COQ10B: variants seen among roughly 807,000 people sequenced by gnomAD.
COQ10B encodes coenzyme Q-binding protein COQ10 homolog B, mitochondrial.
COQ10B carries 12 observed loss-of-function variants against 27.6 expected under a neutral mutation model. That is an observed-to-expected ratio of 0.43 (90% confidence interval 0.28 to 0.70). The LOEUF is 0.70. Among genes scored for constraint, COQ10B ranks in the 30% least tolerant of loss-of-function variants. COQ10B has a pLI of 0.17. For synonymous variants in COQ10B, 115 were observed against 103.0 expected, an observed-to-expected ratio of 1.12 and a Z score of -0.71; for missense variants, 278 against 288.7, an observed-to-expected ratio of 0.96 and a Z score of 0.27.
Position 197,473,806 on chromosome 2 carries a change from T to C in COQ10B, c.599T>C (p.Phe200Ser). ...SLLHSQLATL[F>S]FDEVVKQMVA... ...CTACATTCCCAGCTTGCCACACTCT[T>C]TTTTGATGAAGTTGTGAAGCAGATG... The change falls in exon 5 of 5, where the codon TTT (phenylalanine) becomes TCT (serine). Residue 200 changes from phenylalanine (F) to serine (S), a missense_variant. Phe to Ser is a radical substitution (Grantham distance 155). Around this residue, in one of 3 missense-constraint regions of COQ10B, gnomAD observed 83 missense variants for 104.5 expected, o/e 0.79. Coordinates refer to ENST00000263960, the MANE Select transcript of COQ10B (RefSeq NM_025147.5). The C allele has an allele frequency of 2.5e-6, 4 of 1,597,264 alleles. No individual in the cohort carries two copies. Among genetic ancestry groups the C allele is most frequent in the African/African-American group, 1.3e-5 (1 of 74,720 alleles).
At chr2:197,465,026 C>T (rs544393027) in intron 3 of COQ10B, among the ~76,000 whole-genome samples, 2 of 150,772 alleles carry the variant, frequency 1.3e-5, no homozygotes, top group East Asian at 4.0e-4. Flanking sequence ...GCGGGGGCTA[C>T]AGGCTCCCAC....
At chr2:197,466,795 C>T (rs776751829) in intron 3 of COQ10B, among the ~76,000 whole-genome samples, 2 of 152,026 alleles carry the variant, frequency 1.3e-5, no homozygotes, top group Non-Finnish European at 2.9e-5. Context: ...GTGTCTGACT[C>T]CAAAACTATT....
chr2:197,472,800 C>CAAAAAAA (rs34942079), intron 4 of COQ10B, among the ~76,000 whole-genome samples: 2 of 96,038 alleles, frequency 2.1e-5, no homozygotes, highest in South Asian at 3.9e-4. Context: ...GGCTCCATCT[C>CAAAAAAA]AAAAAAAAAA....
intron 4 of COQ10B, 91 bp from the exon 5 acceptor site, chr2:197,473,666 A>G: frequency 1.1e-6 from 1 of 942,654 alleles, no homozygotes; most frequent in Non-Finnish European, 1.5e-6. Context: ...AACCTGGGCA[A>G]CAAAGCGAGA....
intron 1 of COQ10B, chr2:197,453,992 T>A (rs1165659607): frequency 6.4e-7 from 1 of 1,550,968 alleles, no homozygotes; most frequent in South Asian, 1.2e-5. Flanking sequence ...GTTGGAAAGT[T>A]TTAACTTTGC....
At chr2:197,463,103 A>G (rs1310193907) in intron 3 of COQ10B, among the ~76,000 whole-genome samples, 1 of 152,186 alleles carries the variant, frequency 6.6e-6, no homozygotes, top group Non-Finnish European at 1.5e-5. Flanking sequence ...CTAAATATAT[A>G]GTTTTTTAAG....
rs1351116884 is a variant in COQ10B at position 197,463,428 on chromosome 2, G to A, written c.447+697G>A. Among the ~76,000 whole-genome samples the A allele has an allele frequency of 2.0e-5, 3 of 151,462 alleles. No homozygotes were observed. The East Asian group carries it at 5.8e-4, about 30-fold the overall frequency. ...AGAGGTTGCAGTGTGCCGAGATAGT[G>A]CCGCTGCACTGCAGCCTGGGCAACA... On this transcript the variant is annotated intron_variant, in intron 3 of 4. Coordinates refer to ENST00000263960, the MANE Select transcript of COQ10B (RefSeq NM_025147.5).
At chr2:197,461,494 A>T (rs951662075) in intron 2 of COQ10B, among the ~76,000 whole-genome samples, 1 of 152,146 alleles carries the variant, frequency 6.6e-6, no homozygotes, top group Non-Finnish European at 1.5e-5. Flanking sequence ...CTTTGGATAG[A>T]CATCATTGTC....
chr2:197,472,894 C>G (rs1034988258), intron 4 of COQ10B, among the ~76,000 whole-genome samples: 8 of 152,098 alleles, frequency 5.3e-5, no homozygotes, highest in African/African-American at 1.9e-4. Flanking sequence ...CCAGCCTCCT[C>G]TTCCTGCTGG....
chr2:197,463,992 TATATACACACAC>T (rs1281893257), intron 3 of COQ10B, among the ~76,000 whole-genome samples: 19 of 65,802 alleles, frequency 2.9e-4, no homozygotes, highest in African/African-American at 1.1e-3. Context: ...TATATATATA[TATATACACACAC>T]ACACACACAC....
intron 3 of COQ10B, among the ~76,000 whole-genome samples, chr2:197,466,831 C>T (rs1463219457): frequency 6.6e-6 from 1 of 151,704 alleles, no homozygotes; most frequent in Non-Finnish European, 1.5e-5. Flanking sequence ...TCCTACTCTC[C>T]TTCCCCCTAT....
At chr2:197,473,725 T>G in intron 4 of COQ10B, 32 bp from the exon 5 acceptor site, 1 of 1,401,604 alleles carries the variant, frequency 7.1e-7, no homozygotes, top group Non-Finnish European at 9.5e-7. Flanking sequence ...AAAATAATTT[T>G]TTCTAAAATA....
intron 4 of COQ10B, among the ~76,000 whole-genome samples, chr2:197,471,981 G>C (rs1055983162): frequency 1.3e-5 from 2 of 150,588 alleles, no homozygotes; most frequent in East Asian, 3.9e-4. Flanking sequence ...ATTTGAATAA[G>C]GTCTATATAA....
Position 197,474,453 on chromosome 2 carries a change from A to C in COQ10B, c.*529A>C, listed in dbSNP as rs950561205. ...GTAATCCCAGCACTTGGGGAAGCTG[A>C]GGTGGGCAGATCAGTTGAGGTCAGG... On this transcript the variant is annotated 3_prime_UTR_variant, in exon 5 of 5. Coordinates refer to ENST00000263960, the MANE Select transcript of COQ10B (RefSeq NM_025147.5). 3.3e-5 allele frequency: 5 copies of C among 152,268 alleles called. No individual in the cohort carries two copies. The highest frequency in any genetic ancestry group is 7.3e-5 in the Non-Finnish European group (5 of 68,110). The allele number at this position is 152,268 out of a possible 1,614,324, so 9.4% of individuals were successfully genotyped here. A position where few individuals can be genotyped will look rare whatever the true frequency, so the allele number is the denominator to read the frequency against.
At chr2:197,472,525 C>T (rs553423148) in intron 4 of COQ10B, among the ~76,000 whole-genome samples, 50 of 152,132 alleles carry the variant, frequency 3.3e-4, no homozygotes, top group Non-Finnish European at 6.6e-4. Flanking sequence ...ACCACGTGGC[C>T]GGGCGCAGTG....
intron 4 of COQ10B, among the ~76,000 whole-genome samples, chr2:197,472,816 A>AG (rs1559295801): frequency 6.6e-6 from 1 of 151,400 alleles, no homozygotes; most frequent in Non-Finnish European, 1.5e-5. Flanking sequence ...AAAAAAAAAA[A>AG]AAAAAGAAAG....
At chr2:197,471,265 C>T (rs1306707663) in intron 4 of COQ10B, among the ~76,000 whole-genome samples, 1 of 151,990 alleles carries the variant, frequency 6.6e-6, no homozygotes, top group Non-Finnish European at 1.5e-5. Context: ...ACCTCAGCCT[C>T]CCGAGTAGCT....
chr2:197,473,997 GT>G lies in COQ10B; in HGVS notation c.*77del, dbSNP rs759195556. 13 of 1,242,300 alleles carry G rather than the reference GT, an allele frequency of 1.0e-5. No individual in the cohort carries two copies. Among genetic ancestry groups the G allele is most frequent in the Non-Finnish European group, 1.4e-5 (13 of 936,110 alleles). The allele number at this position is 1,242,300 out of a possible 1,614,324, so 77.0% of individuals were successfully genotyped here. Reference sequence around the variant, plus strand: ...CTTTTAGGAAGTATTTTCATGACATGTTTTCAGAAGCCAGAAAGCATTTGTT... The same window carrying G: ...CTTTTAGGAAGTATTTTCATGACATGTTTCAGAAGCCAGAAAGCATTTGTT... On this transcript the variant is annotated 3_prime_UTR_variant, in exon 5 of 5. Coordinates refer to ENST00000263960, the MANE Select transcript of COQ10B (RefSeq NM_025147.5).
intron 1 of COQ10B, chr2:197,454,027 T>C: frequency 1.3e-6 from 2 of 1,551,270 alleles, no homozygotes; most frequent in Non-Finnish European, 1.7e-6. Flanking sequence ...GGCTGCTGGC[T>C]GTATGGGAGT....
Sources: gnomAD v4.1 joint callset for allele counts (sites outside exome capture counted in the v4.1 genomes callset) on GRCh38, gnomAD v4.1.1 for gene constraint, gnomAD v4.1.1 regional missense constraint, MANE v1.5 for transcripts, NCBI Gene and HGNC (gene_info 2026-07-23, HGNC 2026-07-21) for gene names.